SRPK2: variants seen among roughly 807,000 people sequenced by gnomAD.
SRPK2 encodes SFRS protein kinase 2.
SRPK2 carries 21 observed loss-of-function variants against 90.8 expected under a neutral mutation model. The observed-to-expected ratio is 0.23, with a 90% CI of 0.16 to 0.33. The LOEUF (loss-of-function observed/expected upper bound fraction) is 0.33. SRPK2 is among the 10% of genes least tolerant of loss of function. SRPK2 has a pLI of 1.00. For synonymous variants in SRPK2, 288 were observed against 311.1 expected (o/e 0.93, Z 0.78); for missense variants, 620 against 869.0 (o/e 0.71, Z 3.60).
intron 2 of SRPK2, among the ~76,000 whole-genome samples, chr7:105,323,685 G>A (rs768841108): frequency 1.3e-5 from 2 of 152,158 alleles, no homozygotes; most frequent in African/African-American, 4.8e-5. Flanking sequence ...AAGGAATAGT[G>A]TTTCTTGCCT....
Position 105,201,635 on chromosome 7 carries a change from G to GAAA in SRPK2, c.229+1990_229+1992dup, listed in dbSNP as rs10675341. On this transcript the variant is annotated intron_variant, in intron 3 of 15. Coordinates refer to ENST00000393651, the MANE Select transcript of SRPK2 (RefSeq NM_182692.3). The stretch of plus-strand genomic sequence containing the variant: ...TAGCCAGACCCTGTCGCTACCAGAA[G>GAAA]AAAAAAAAAAAAAACTTTTCATTAA... Among the ~76,000 whole-genome samples, 254 of 146,012 alleles carry GAAA rather than the reference G, an allele frequency of 1.7e-3. 1 individual carries two copies. Among genetic ancestry groups the GAAA allele is most frequent in the Admixed American group, 1.6e-3 (24 of 14,654 alleles).
chr7:105,320,527 A>C (rs1459933484), intron 2 of SRPK2, among the ~76,000 whole-genome samples: 1 of 152,204 alleles, frequency 6.6e-6, no homozygotes, highest in Non-Finnish European at 1.5e-5. Flanking sequence ...CAGTACTCAA[A>C]ACCAAGAGGC....
chr7:105,141,863 C>G, intron 11 of SRPK2, 145 bp downstream of exon 11: 1 of 841,476 alleles, frequency 1.2e-6, no homozygotes, highest in Non-Finnish European at 1.8e-6. Context: ...AATCACATTA[C>G]TTCTTCAGGA....
At chr7:105,387,396 C>G (rs1821731466) in intron 2 of SRPK2, among the ~76,000 whole-genome samples, 2 of 152,160 alleles carry the variant, frequency 1.3e-5, no homozygotes, top group African/African-American at 2.4e-5. Flanking sequence ...GCAACCAAAA[C>G]TACCAAAAAT....
intron 2 of SRPK2, among the ~76,000 whole-genome samples, chr7:105,219,033 G>GA (rs1343781134): frequency 6.6e-6 from 1 of 152,046 alleles, no homozygotes; most frequent in Non-Finnish European, 1.5e-5. Context: ...ATACTGACCA[G>GA]AAAACAGTCC....
At chr7:105,330,543 C>T (rs1045914827) in intron 2 of SRPK2, among the ~76,000 whole-genome samples, 1 of 152,068 alleles carries the variant, frequency 6.6e-6, no homozygotes, top group African/African-American at 2.4e-5. Flanking sequence ...TGACATGACT[C>T]TTCCTAGAAA....
chr7:105,198,419 G>C (rs2129608547), intron 3 of SRPK2, among the ~76,000 whole-genome samples: 2 of 152,302 alleles, frequency 1.3e-5, no homozygotes, highest in South Asian at 4.1e-4. Context: ...GGCTGACCCT[G>C]CCCCTGATCT....
upstream of SRPK2, among the ~76,000 whole-genome samples, chr7:105,394,384 G>T (rs930532351): frequency 2.6e-5 from 4 of 151,884 alleles, no homozygotes; most frequent in Non-Finnish European, 5.9e-5. Context: ...CTCATGATCC[G>T]CCCGCCTCGG....
chr7:105,184,143 T>C (rs1331476671), intron 3 of SRPK2, among the ~76,000 whole-genome samples: 1 of 151,088 alleles, frequency 6.6e-6, no homozygotes, highest in Non-Finnish European at 1.5e-5. Flanking sequence ...ACCTGGCTAA[T>C]TTTTTTTGTA....
chr7:105,279,700 C>T (rs1386762000), intron 2 of SRPK2, among the ~76,000 whole-genome samples: 1 of 152,190 alleles, frequency 6.6e-6, no homozygotes, highest in Non-Finnish European at 1.5e-5. Flanking sequence ...CAATTACTCC[C>T]GTTAGCAATG....
At chr7:105,169,621 G>A (rs1790543606) in intron 3 of SRPK2, among the ~76,000 whole-genome samples, 1 of 152,114 alleles carries the variant, frequency 6.6e-6, no homozygotes, top group South Asian at 2.1e-4. Context: ...CAGCTACTTA[G>A]GAGGCTGAGG....
At chr7:105,194,635 G>A (rs1273247802) in intron 3 of SRPK2, among the ~76,000 whole-genome samples, 2 of 152,142 alleles carry the variant, frequency 1.3e-5, no homozygotes, top group Non-Finnish European at 2.9e-5. Context: ...CCATGTTAAT[G>A]GGTTGGAAGA....
chr7:105,193,391 T>C (rs1355576722), intron 3 of SRPK2, among the ~76,000 whole-genome samples: 2 of 152,254 alleles, frequency 1.3e-5, no homozygotes, highest in Non-Finnish European at 2.9e-5. Context: ...CACTGGTCTA[T>C]GTGCCTATTT....
chr7:105,118,329 T>G (rs12111884), intron 15 of SRPK2, among the ~76,000 whole-genome samples: 8,243 of 152,218 alleles, frequency 0.054, 755 homozygotes, highest in African/African-American at 0.19. Flanking sequence ...TTTCCAAAGG[T>G]TGAAGCAAGC....
intron 11 of SRPK2, among the ~76,000 whole-genome samples, chr7:105,140,883 C>A (rs1803645336): frequency 6.6e-6 from 1 of 151,336 alleles, no homozygotes; most frequent in South Asian, 2.1e-4. Context: ...ATCGCTTGAA[C>A]CCGGGAGGCA....
At position 105,348,568 on chromosome 7, in the gene SRPK2, C is replaced by T. The variant is rs146036201; in HGVS notation, c.71+40080G>A. Among the ~76,000 whole-genome samples, 437 of 151,714 alleles carry T rather than the reference C, an allele frequency of 2.9e-3. 2 individuals carry two copies. Among genetic ancestry groups the T allele is most frequent in the African/African-American group, 0.01 (422 of 41,430 alleles). On this transcript the variant is annotated intron_variant, in intron 2 of 15. Transcript: ENST00000393651. The stretch of plus-strand genomic sequence containing the variant: ...CTTCCTGAGTAGCTGGCATTACAGG[C>T]ACCCGCCATCATGCCGGACTAATTT...
At chr7:105,126,747 G>C (rs1171533483) in intron 14 of SRPK2, among the ~76,000 whole-genome samples, 1 of 152,194 alleles carries the variant, frequency 6.6e-6, no homozygotes, top group African/African-American at 2.4e-5. Context: ...TTCCTGCCCT[G>C]TGCAAGGCCA....
Position 105,142,458 on chromosome 7 carries a change from C to A in SRPK2, c.1093G>T (p.Ala365Ser). ...TCTTTTTCAATGTTTTCTTTCTCAG[C>A]ATCTTCTTTCTCTTCCTGGTCCTCA... The part of the protein sequence containing the change: ...EAEDQEEKED[A>S]EKENIEKDED... The change falls in exon 11 of 16, where the codon GCT (alanine) becomes TCT (serine). Residue 365 changes from alanine (A) to serine (S), a missense_variant. Ala to Ser is a moderately conservative substitution (Grantham distance 99). This residue lies in a region of SRPK2 where 243 missense variants were observed against 245.7 expected (regional missense o/e 0.99). Coordinates refer to ENST00000393651, the MANE Select transcript of SRPK2 (RefSeq NM_182692.3). The A allele has an allele frequency of 6.2e-7, 1 of 1,611,820 alleles. No individual in the cohort carries two copies. Among genetic ancestry groups the A allele is most frequent in the Non-Finnish European group, 8.5e-7 (1 of 1,179,212 alleles).
chr7:105,267,780 A>AT (rs1465752781), intron 2 of SRPK2, among the ~76,000 whole-genome samples: 4 of 151,854 alleles, frequency 2.6e-5, no homozygotes, highest in East Asian at 3.9e-4. Flanking sequence ...TTTTTTTTGT[A>AT]TTTTTTCTGT....
Sources: allele counts gnomAD v4.1 joint callset (sites outside exome capture counted in the v4.1 genomes callset), GRCh38; gene constraint gnomAD v4.1.1; regional missense constraint gnomAD v4.1.1; transcripts MANE v1.5; gene names NCBI Gene and HGNC (gene_info 2026-07-23, HGNC 2026-07-21).